Variants in CDKL3 observed in about 807,000 individuals in gnomAD.
CDKL3 encodes the protein cyclin-dependent kinase-like 3.
Under a neutral mutation model 69.3 loss-of-function variants are expected in CDKL3, and 65 were observed. The observed-to-expected ratio is 0.94, with a 90% CI of 0.77 to 1.15. CDKL3 has a LOEUF of 1.15. CDKL3 is among the 50% of genes most tolerant of loss of function. The probability of loss-of-function intolerance (pLI) is 0.00; values close to 1 mark genes in which losing one functional copy is unlikely to be tolerated. For synonymous variants in CDKL3, 202 were observed against 221.6 expected, an observed-to-expected ratio of 0.91 and a Z score of 0.79; for missense variants, 652 against 689.2, an observed-to-expected ratio of 0.95 and a Z score of 0.61.
intron 4 of CDKL3, among the ~76,000 whole-genome samples, chr5:134,348,236 G>T (rs1173441038): frequency 6.6e-6 from 1 of 152,114 alleles, no homozygotes; most frequent in African/African-American, 2.4e-5. Flanking sequence ...TTTAAAAAAT[G>T]CAAGGAAATG....
intron 3 of CDKL3, among the ~76,000 whole-genome samples, chr5:134,359,441 C>T (rs774219272): frequency 2.6e-5 from 4 of 152,188 alleles, no homozygotes; most frequent in East Asian, 3.9e-4. Flanking sequence ...GGCCTCAAAC[C>T]GCTCCGCCAC....
intron 4 of CDKL3, among the ~76,000 whole-genome samples, chr5:134,323,548 C>G (rs193259234): frequency 1.3e-3 from 200 of 152,038 alleles, no homozygotes; most frequent in Middle Eastern, 0.01. Context: ...AATAAAGAAC[C>G]CAGAAATAGA....
chr5:134,331,577 T>C (rs1464565096), intron 4 of CDKL3, among the ~76,000 whole-genome samples: 1 of 152,180 alleles, frequency 6.6e-6, no homozygotes, highest in Non-Finnish European at 1.5e-5. Context: ...TTGTGATATT[T>C]TGCTGAGAAT....
upstream of CDKL3, chr5:134,371,611 C>G (rs1758422610): frequency 1.9e-6 from 3 of 1,613,064 alleles, no homozygotes; most frequent in Non-Finnish European, 2.5e-6. Context: ...GACCCCGGCC[C>G]GGAGGAGGCT....
chr5:134,321,946 AATTT>A, intron 4 of CDKL3, 43 bp from the exon 5 acceptor site: 1 of 975,378 alleles, frequency 1.0e-6, no homozygotes, highest in South Asian at 1.5e-5. Context: ...TTCATGTAGA[AATTT>A]ATAAATATAT....
At chr5:134,317,947 C>T (rs565523481) in intron 6 of CDKL3, among the ~76,000 whole-genome samples, 444 of 152,040 alleles carry the variant, frequency 2.9e-3, no homozygotes, top group African/African-American at 0.01. Context: ...AGGCCAGGCA[C>T]GGTGGGTCAC....
chr5:134,344,038 C>T (rs1477503332), intron 4 of CDKL3, among the ~76,000 whole-genome samples: 1 of 152,142 alleles, frequency 6.6e-6, no homozygotes, highest in Non-Finnish European at 1.5e-5. Flanking sequence ...AGCCCAACAC[C>T]ATAATGGGGA....
At chr5:134,329,158 T>C (rs1775117663) in intron 4 of CDKL3, among the ~76,000 whole-genome samples, 1 of 152,072 alleles carries the variant, frequency 6.6e-6, no homozygotes, top group Non-Finnish European at 1.5e-5. Flanking sequence ...CTAGGCAATA[T>C]AGTGAGACTT....
At chr5:134,338,970 G>A (rs1269092623) in intron 4 of CDKL3, among the ~76,000 whole-genome samples, 2 of 151,794 alleles carry the variant, frequency 1.3e-5, no homozygotes, top group Non-Finnish European at 2.9e-5. Flanking sequence ...CCTGGCCAAC[G>A]TGGTGAAACA....
rs142382818 is a variant in CDKL3, at chr5:134,299,780, T to C, written c.1720-1070A>G. 1.5e-4 allele frequency: 205 copies of C among 1,386,068 alleles called. No homozygotes were observed. The African/African-American group carries it at 1.9e-3, about 13-fold the overall frequency. The allele number at this position is 1,386,068 out of a possible 1,614,324, so 85.9% of individuals were successfully genotyped here. On this transcript the variant is annotated intron_variant, in intron 12 of 12. Transcript: ENST00000265334. ...AAAGTAAATAGAAACAGGTCTTTAA[T>C]TGAGGACATGGTGAGTCTTTGGCTA...
chr5:134,351,633 A>AT (rs1008887386), intron 3 of CDKL3, among the ~76,000 whole-genome samples: 1 of 151,820 alleles, frequency 6.6e-6, no homozygotes, highest in Non-Finnish European at 1.5e-5. Context: ...TAATTAAAAA[A>AT]TTTTTTTTGT....
At chr5:134,367,525 C>T (rs112496918), upstream of CDKL3, among the ~76,000 whole-genome samples, 1 of 152,182 alleles carries the variant, frequency 6.6e-6, no homozygotes, top group African/African-American at 2.4e-5. Flanking sequence ...AGGCGTGTGC[C>T]ACCACGCCCG....
At chr5:134,325,727 A>G (rs1366862755) in intron 4 of CDKL3, among the ~76,000 whole-genome samples, 1 of 151,956 alleles carries the variant, frequency 6.6e-6, no homozygotes, top group Non-Finnish European at 1.5e-5. Flanking sequence ...CATTTAAAAA[A>G]AACTCTCAAG....
rs937995924 is a variant in CDKL3, at chr5:134,319,024, C to T, written c.792+334G>A. ...TCTCAGATATAAATTCTTAATTTCTCAACATACATGAACTGCCTGGGTGCG... is the reference window on the plus strand; with the variant it reads ...TCTCAGATATAAATTCTTAATTTCTTAACATACATGAACTGCCTGGGTGCG... On this transcript the variant is annotated intron_variant, in intron 6 of 12. Coordinates refer to ENST00000265334, the MANE Select transcript of CDKL3 (RefSeq NM_001113575.2). The T allele has an allele frequency of 2.4e-5, 4 of 163,372 alleles. 1 individual carries two copies. The highest frequency in any genetic ancestry group is 5.3e-5 in the Non-Finnish European group (4 of 75,810). 10.1% of individuals were successfully genotyped at this position (163,372 alleles called of 1,614,324 possible).
At position 134,306,822 on chromosome 5, in the gene CDKL3, T is replaced by C. The variant is rs1768009469; in HGVS notation, c.1365-120A>G. 5.2e-6 allele frequency: 3 copies of C among 579,524 alleles called. 1 individual carries two copies. The highest frequency in any genetic ancestry group is 7.6e-5 in the Admixed American group (2 of 26,352). The allele number at this position is 579,524 out of a possible 1,614,324, so 35.9% of individuals were successfully genotyped here. A position where few individuals can be genotyped will look rare whatever the true frequency, so the allele number is the denominator to read the frequency against. ...CAGGCTGGAGTGCAGTGTCATGATC[T>C]TGGCTCACTGCAACCTCTGTCTCCT... On this transcript the variant is annotated intron_variant, in intron 9 of 12. Coordinates refer to ENST00000265334, the MANE Select transcript of CDKL3 (RefSeq NM_001113575.2).
chr5:134,342,416 G>A (rs1454000151), intron 4 of CDKL3, among the ~76,000 whole-genome samples: 2 of 151,952 alleles, frequency 1.3e-5, no homozygotes, highest in Non-Finnish European at 2.9e-5. Flanking sequence ...GGCTAACACG[G>A]TGAAACCCCA....
downstream of CDKL3, among the ~76,000 whole-genome samples, chr5:134,297,606 A>G (rs1241189328): frequency 1.4e-5 from 2 of 146,768 alleles, no homozygotes; most frequent in Non-Finnish European, 1.5e-5. Context: ...TTTGAGACGG[A>G]GTTTCACTCT....
intron 2 of CDKL3, among the ~76,000 whole-genome samples, chr5:134,360,942 T>C (rs1755851920): frequency 6.6e-6 from 1 of 152,202 alleles, no homozygotes; most frequent in Non-Finnish European, 1.5e-5. Flanking sequence ...ATATGTGAAC[T>C]ACCAATTTAT....
At chr5:134,283,757 CA>C (rs1314549305), downstream of CDKL3, among the ~76,000 whole-genome samples, 2 of 152,032 alleles carry the variant, frequency 1.3e-5, no homozygotes, top group African/African-American at 4.8e-5. Flanking sequence ...AAAGTCTACT[CA>C]AAAGTCCACT....
Sources: gnomAD v4.1 joint callset for allele counts (sites outside exome capture counted in the v4.1 genomes callset) on GRCh38, gnomAD v4.1.1 for gene constraint, MANE v1.5 for transcripts, NCBI Gene and HGNC (gene_info 2026-07-23, HGNC 2026-07-21) for gene names.